The following VAT1L variants were observed in gnomAD, a reference collection of about 807,000 sequenced individuals.
VAT1L encodes vesicle amine transport 1 like.
Under a neutral mutation model 44.1 loss-of-function variants are expected in VAT1L, and 34 were observed. The ratio of observed to expected loss-of-function variants is 0.77; its 90% CI spans 0.59 to 1.03. VAT1L has a LOEUF of 1.03. Among genes scored for constraint, VAT1L ranks in the 50% least tolerant of loss-of-function variants. The pLI is 0.00. For missense variants in VAT1L, 615 were observed against 538.8 expected (o/e 1.14, Z -1.40); for synonymous variants, 253 against 202.2 (o/e 1.25, Z -2.13).
intron 3 of VAT1L, among the ~76,000 whole-genome samples, chr16:77,833,839 G>A (rs1315967692): frequency 6.6e-6 from 1 of 152,094 alleles, no homozygotes; most frequent in African/African-American, 2.4e-5. Context: ...AGTGGAGGTG[G>A]GCTGGGCTTT....
At chr16:77,816,138 G>A (rs1000237773) in intron 1 of VAT1L, among the ~76,000 whole-genome samples, 12 of 151,836 alleles carry the variant, frequency 7.9e-5, no homozygotes, top group African/African-American at 2.7e-4. Context: ...TAGCGTCATT[G>A]GAATCAAGTG....
chr16:77,825,118 C>T, intron 2 of VAT1L, 128 bp from the exon 3 acceptor site: 1 of 938,510 alleles, frequency 1.1e-6, no homozygotes, highest in Non-Finnish European at 1.7e-6. Context: ...TCACCCACCT[C>T]AGCCTCCCAA....
At chr16:77,891,106 GC>G (rs1348424616) in intron 7 of VAT1L, among the ~76,000 whole-genome samples, 1 of 152,146 alleles carries the variant, frequency 6.6e-6, no homozygotes, top group Non-Finnish European at 1.5e-5. Context: ...TGTAATCCCA[GC>G]ACTTTGGGAG....
chr16:77,860,675 T>C (rs1396829532), intron 3 of VAT1L, among the ~76,000 whole-genome samples: 1 of 152,182 alleles, frequency 6.6e-6, no homozygotes, highest in Non-Finnish European at 1.5e-5. Flanking sequence ...AATTGCTGCA[T>C]TGGTTGCTGA....
At chr16:77,825,521 AC>A (rs2016509628) in intron 3 of VAT1L, 60 bp downstream of exon 3, 14 of 1,532,596 alleles carry the variant, frequency 9.1e-6, no homozygotes, top group Middle Eastern at 4.6e-4. Context: ...GTGGAGTGAC[AC>A]CCCCCTGAGG....
chr16:77,967,218 C>G (rs1023006153), intron 7 of VAT1L, among the ~76,000 whole-genome samples: 1 of 152,168 alleles, frequency 6.6e-6, no homozygotes, highest in South Asian at 2.1e-4. Context: ...TTCTCACCAC[C>G]TTTCAGATGG....
intron 7 of VAT1L, among the ~76,000 whole-genome samples, chr16:77,946,279 C>CTTTTTTGTTTTTTTTTT (rs2017963751): frequency 2.8e-5 from 2 of 70,426 alleles, no homozygotes; most frequent in Non-Finnish European, 5.0e-5. Flanking sequence ...GTTACTTGTT[C>CTTTTTTGTTTTTTTTTT]TTTTTTTTTT....
chr16:77,848,873 A>C (rs1378111845), intron 3 of VAT1L, among the ~76,000 whole-genome samples: 1 of 152,204 alleles, frequency 6.6e-6, no homozygotes. Context: ...AAAAAGGATG[A>C]GTTCATGTCC....
At chr16:77,955,570 C>G (rs1232886326) in intron 7 of VAT1L, among the ~76,000 whole-genome samples, 1 of 152,090 alleles carries the variant, frequency 6.6e-6, no homozygotes, top group South Asian at 2.1e-4. Context: ...ACTAAAAATA[C>G]AAAAATTAGC....
rs747494353 is a variant in VAT1L, at chr16:77,879,262, T to C, written c.882+38T>C. ...GCACATCTGATGTACTGTGGTGGCA[T>C]GTTGATTCACATGTTGAGAGCTTTG... On this transcript the variant is annotated intron_variant, in intron 6 of 8. Transcript: ENST00000302536. This position sits in a 1 kb window ranked among gnomAD's most constrained non-coding sequence, Gnocchi z 4.1. 4.4e-6 allele frequency: 7 copies of C among 1,596,688 alleles called. No homozygotes were observed. In the African/African-American group the frequency reaches 6.7e-5, roughly 15 times the overall value.
At chr16:77,889,932 C>T (rs549241081) in intron 7 of VAT1L, among the ~76,000 whole-genome samples, 2 of 151,996 alleles carry the variant, frequency 1.3e-5, no homozygotes, top group South Asian at 4.2e-4. Context: ...ACTAAAAATA[C>T]AAAAAATTAG....
At chr16:77,796,126 C>T (rs148146290) in intron 1 of VAT1L, among the ~76,000 whole-genome samples, 13 of 152,276 alleles carry the variant, frequency 8.5e-5, no homozygotes, top group African/African-American at 1.2e-4. Flanking sequence ...CACACCTGGC[C>T]AGTTGCTTAG....
At chr16:77,974,289 C>A (rs1438387470) in intron 8 of VAT1L, among the ~76,000 whole-genome samples, 1 of 152,290 alleles carries the variant, frequency 6.6e-6, no homozygotes, top group African/African-American at 2.4e-5. Flanking sequence ...ATGACCAAGT[C>A]TCTTTCAGTC....
intron 7 of VAT1L, among the ~76,000 whole-genome samples, chr16:77,915,659 G>C (rs1218496181): frequency 6.6e-6 from 1 of 152,174 alleles, no homozygotes; most frequent in Non-Finnish European, 1.5e-5. Context: ...CCCTGTTGTT[G>C]GTGTTCCATC....
chr16:77,919,242 C>G (rs974588805), intron 7 of VAT1L, among the ~76,000 whole-genome samples: 1 of 152,142 alleles, frequency 6.6e-6, no homozygotes, highest in South Asian at 2.1e-4. Context: ...AACAGAGAGC[C>G]CCTTGTGCTT....
intron 8 of VAT1L, among the ~76,000 whole-genome samples, chr16:77,972,806 AT>A (rs2018294663): frequency 6.7e-6 from 1 of 149,964 alleles, no homozygotes; most frequent in South Asian, 2.1e-4. Context: ...ATAATATAAA[AT>A]AATAAAAATA....
intron 7 of VAT1L, among the ~76,000 whole-genome samples, chr16:77,916,206 AG>A (rs1347679460): frequency 6.6e-6 from 1 of 152,110 alleles, no homozygotes; most frequent in Non-Finnish European, 1.5e-5. Flanking sequence ...CCTGGAAGTC[AG>A]TTTGGGTTTC....
At chr16:77,881,375 G>A (rs755681534) in intron 6 of VAT1L, among the ~76,000 whole-genome samples, 4 of 152,138 alleles carry the variant, frequency 2.6e-5, no homozygotes, top group African/African-American at 7.2e-5. Flanking sequence ...ACTAATGAGG[G>A]AGACAAACCC....
At position 77,877,512 on chromosome 16, in the gene VAT1L, C is replaced by CAAAAA. The variant is rs55704400; in HGVS notation, c.826+1066_826+1070dup. On this transcript the variant is annotated intron_variant, in intron 5 of 8. Transcript: ENST00000302536. ...TGGGCGACAGAGCGGGACTCTGTCTCAAAAAAAAAAAAAAAAAAAAAAAAA... is the reference window on the plus strand; with the variant it reads ...TGGGCGACAGAGCGGGACTCTGTCTCAAAAAAAAAAAAAAAAAAAAAAAAAAAAAA... Among the ~76,000 whole-genome samples, 342 of 86,736 alleles carry CAAAAA rather than the reference C, an allele frequency of 3.9e-3. 19 individuals are homozygous for CAAAAA. Among genetic ancestry groups the CAAAAA allele is most frequent in the Middle Eastern group, 8.3e-3 (1 of 120 alleles). 56.9% of individuals were successfully genotyped at this position (86,736 alleles called of 152,430 possible). A position where few individuals can be genotyped will look rare whatever the true frequency, so the allele number is the denominator to read the frequency against.
Sources: allele counts gnomAD v4.1 joint callset (sites outside exome capture counted in the v4.1 genomes callset), GRCh38; gene constraint gnomAD v4.1.1; non-coding constraint Gnocchi (gnomAD v3.1); transcripts MANE v1.5; gene names NCBI Gene and HGNC (gene_info 2026-07-23, HGNC 2026-07-21).